Variants in ZFAND6 observed in about 807,000 individuals in gnomAD.
ZFAND6 encodes the protein zinc finger AN1-type containing 6, also known as AN1-type zinc finger protein 6.
In ZFAND6, 12 loss-of-function variants were observed where a neutral mutation model predicts 24.5. The ratio of observed to expected loss-of-function variants is 0.49; its 90% CI spans 0.31 to 0.79. The LOEUF is 0.79. Among genes scored for constraint, ZFAND6 ranks in the 30% least tolerant of loss-of-function variants. The probability of loss-of-function intolerance (pLI) is 0.04; values close to 1 mark genes in which losing one functional copy is unlikely to be tolerated. For synonymous variants in ZFAND6, 92 were observed against 81.5 expected (o/e 1.13, Z -0.69); for missense variants, 207 against 245.9 (o/e 0.84, Z 1.06).
At chr15:80,101,791 G>GTTTTTTTTTTTT (rs750632508) in intron 2 of ZFAND6, among the ~76,000 whole-genome samples, 1 of 123,108 alleles carries the variant, frequency 8.1e-6, no homozygotes, top group Non-Finnish European at 1.7e-5. Context: ...TATGTAAAGT[G>GTTTTTTTTTTTT]TTTTTTTTTT....
intron 2 of ZFAND6, among the ~76,000 whole-genome samples, chr15:80,103,818 AAATGATAAGCCTG>A (rs2039163412): frequency 6.6e-6 from 1 of 152,178 alleles, no homozygotes; most frequent in South Asian, 2.1e-4. Flanking sequence ...AGGATTGCCT[AAATGATAAGCCTG>A]AATGATAAGT....
At chr15:80,061,915 A>G (rs1305701386) in intron 1 of ZFAND6, among the ~76,000 whole-genome samples, 1 of 152,194 alleles carries the variant, frequency 6.6e-6, no homozygotes, top group African/African-American at 2.4e-5. Flanking sequence ...TTATGTTTAA[A>G]TAGAAGATTC....
At chr15:80,097,667 T>TAAAC (rs2038806832) in intron 1 of ZFAND6, among the ~76,000 whole-genome samples, 1 of 139,590 alleles carries the variant, frequency 7.2e-6, no homozygotes, top group Non-Finnish European at 1.6e-5. Flanking sequence ...AATAAATAAA[T>TAAAC]AAATAAATAC....
At chr15:80,063,707 C>T (rs1394943025) in intron 1 of ZFAND6, among the ~76,000 whole-genome samples, 2 of 152,078 alleles carry the variant, frequency 1.3e-5, no homozygotes, top group Non-Finnish European at 2.9e-5. Context: ...CATGCCACTA[C>T]ACCCAGCTAA....
At chr15:80,067,896 A>C (rs1311567216) in intron 1 of ZFAND6, among the ~76,000 whole-genome samples, 1 of 152,218 alleles carries the variant, frequency 6.6e-6, no homozygotes, top group East Asian at 1.9e-4. Flanking sequence ...TTACATATTG[A>C]AGTAGTGATA....
chr15:80,112,615 C>T (rs533906396), intron 2 of ZFAND6, among the ~76,000 whole-genome samples: 1 of 152,154 alleles, frequency 6.6e-6, no homozygotes, highest in South Asian at 2.1e-4. Context: ...TCAGGCTGGT[C>T]TCAAACTCCT....
intron 2 of ZFAND6, among the ~76,000 whole-genome samples, chr15:80,099,636 G>A (rs879835168): frequency 2.6e-4 from 4 of 15,364 alleles, no homozygotes; most frequent in Non-Finnish European, 8.9e-4. Flanking sequence ...TTTTTTTTTC[G>A]AGACGGAGTC....
intron 2 of ZFAND6, among the ~76,000 whole-genome samples, chr15:80,099,617 C>CATTTTTT (rs1567073638): frequency 1.8e-5 from 1 of 55,052 alleles, no homozygotes. Context: ...ATATGGATAT[C>CATTTTTT]CTTTTTTTTT....
Position 80,099,896 on chromosome 15 carries a change from C to T in ZFAND6, c.-18+1318C>T, listed in dbSNP as rs1042130514. On this transcript the variant is annotated intron_variant, in intron 2 of 6. Coordinates refer to ENST00000261749, the MANE Select transcript of ZFAND6 (RefSeq NM_019006.4). ...CCTCCCAAAGTGCTGAGATGACCAGCGTGAGCCACCTTGCGCGGCCGAATA... is the reference window on the plus strand; with the variant it reads ...CCTCCCAAAGTGCTGAGATGACCAGTGTGAGCCACCTTGCGCGGCCGAATA... Among the ~76,000 whole-genome samples, 12 of 152,234 alleles carry T rather than the reference C, an allele frequency of 7.9e-5. No individual in the cohort carries two copies. In the East Asian group the frequency reaches 1.4e-3, roughly 17 times the overall value.
chr15:80,117,511 C>T (rs1426904332), intron 2 of ZFAND6, among the ~76,000 whole-genome samples: 1 of 152,174 alleles, frequency 6.6e-6, no homozygotes, highest in Admixed American at 6.5e-5. Context: ...CATGAGCCAC[C>T]GTGCCCAGCC....
intron 2 of ZFAND6, chr15:80,114,901 A>G (rs1396961956): frequency 6.6e-6 from 1 of 152,216 alleles, no homozygotes; most frequent in Non-Finnish European, 1.5e-5. Flanking sequence ...ATGGAATTTA[A>G]AAGGTATACT....
At chr15:80,096,327 C>T (rs1031386894) in intron 1 of ZFAND6, among the ~76,000 whole-genome samples, 2 of 152,146 alleles carry the variant, frequency 1.3e-5, no homozygotes, top group Non-Finnish European at 2.9e-5. Context: ...TATGTTTTAG[C>T]CCTTGTACTG....
At chr15:80,125,625 T>C (rs2040341031) in intron 5 of ZFAND6, among the ~76,000 whole-genome samples, 1 of 152,216 alleles carries the variant, frequency 6.6e-6, no homozygotes, top group Non-Finnish European at 1.5e-5. Context: ...AGTACCTTAC[T>C]TACATAGTGT....
intron 1 of ZFAND6, among the ~76,000 whole-genome samples, chr15:80,088,514 C>G (rs983481435): frequency 6.6e-6 from 1 of 151,986 alleles, no homozygotes; most frequent in South Asian, 2.1e-4. Context: ...TGCAGTGAGC[C>G]GAGATTGTGC....
chr15:80,124,831 C>T (rs1386415918), intron 5 of ZFAND6, among the ~76,000 whole-genome samples: 1 of 152,088 alleles, frequency 6.6e-6, no homozygotes, highest in Admixed American at 6.5e-5. Context: ...AGTTTCATCT[C>T]AGTTTTAAGA....
chr15:80,071,791 A>G (rs2036993447), intron 1 of ZFAND6, among the ~76,000 whole-genome samples: 1 of 151,850 alleles, frequency 6.6e-6, no homozygotes, highest in Admixed American at 6.6e-5. Context: ...TCTAAATTTT[A>G]TACCTGAACA....
chr15:80,101,175 A>ACTCCCGGCTGGGCGTGGTGG (rs1162461839), intron 2 of ZFAND6, among the ~76,000 whole-genome samples: 1 of 152,104 alleles, frequency 6.6e-6, no homozygotes, highest in African/African-American at 2.4e-5. Context: ...AGAAATCTTT[A>ACTCCCGGCTGGGCGTGGTGG]CTCCCGGCTG....
intron 2 of ZFAND6, among the ~76,000 whole-genome samples, chr15:80,112,170 G>T (rs2039641781): frequency 2.6e-5 from 4 of 152,106 alleles, no homozygotes; most frequent in Admixed American, 2.0e-4. Flanking sequence ...TGAGGTAGGA[G>T]AATTGCTTGA....
intron 1 of ZFAND6, among the ~76,000 whole-genome samples, chr15:80,078,661 A>G (rs1205977055): frequency 6.6e-6 from 1 of 152,208 alleles, no homozygotes; most frequent in Non-Finnish European, 1.5e-5. Context: ...GGCTGGACTA[A>G]TTGACATTAA....
Sources: allele counts gnomAD v4.1 joint callset (sites outside exome capture counted in the v4.1 genomes callset), GRCh38; gene constraint gnomAD v4.1.1; transcripts MANE v1.5; gene names NCBI Gene and HGNC (gene_info 2026-07-23, HGNC 2026-07-21).